HM13: variants seen among roughly 807,000 people sequenced by gnomAD.
HM13 encodes signal peptide peptidase.
In HM13, 18 loss-of-function variants were observed where a neutral mutation model predicts 50.0. The ratio of observed to expected loss-of-function variants is 0.36; its 90% CI spans 0.25 to 0.53. The LOEUF is 0.53. HM13 is among the 20% of genes least tolerant of loss of function. The probability of loss-of-function intolerance (pLI) is 0.90; values close to 1 mark genes in which losing one functional copy is unlikely to be tolerated. For missense variants in HM13, 393 were observed against 552.4 expected (o/e 0.71, Z 2.89); for synonymous variants, 197 against 232.6 (o/e 0.85, Z 1.39).
chr20:31,523,606 A>G (rs1217307991), intron 1 of HM13, among the ~76,000 whole-genome samples: 1 of 152,168 alleles, frequency 6.6e-6, no homozygotes, highest in African/African-American at 2.4e-5. Flanking sequence ...TGTTCCCTGT[A>G]ATATGTATCA....
At position 31,543,442 on chromosome 20, in the gene HM13, C is replaced by T. The variant is rs113175755; in HGVS notation, c.366-1505C>T. Among the ~76,000 whole-genome samples, 15 of 152,158 alleles carry T rather than the reference C, an allele frequency of 9.9e-5. 1 individual carries two copies. The highest frequency in any genetic ancestry group is 3.1e-4 in the African/African-American group (13 of 41,558). ...CTGGGATTACAGGCACCTGCCACCA[C>T]GCCGGGCTAATTTTTGTATTTTTTT... On this transcript the variant is annotated intron_variant, in intron 3 of 12. Coordinates refer to ENST00000398174, the MANE Select transcript of HM13 (RefSeq NM_178581.3).
intron 2 of HM13, among the ~76,000 whole-genome samples, chr20:31,532,108 T>TTC (rs1982853003): frequency 6.6e-6 from 1 of 151,922 alleles, no homozygotes. Flanking sequence ...TTTTTTTTTT[T>TTC]CTTTTTTTCT....
intron 6 of HM13, among the ~76,000 whole-genome samples, chr20:31,549,577 A>G (rs1983916604): frequency 6.6e-6 from 1 of 152,166 alleles, no homozygotes; most frequent in African/African-American, 2.4e-5. Flanking sequence ...CTTCCTTGCT[A>G]GCAGGGGTGT....
intron 3 of HM13, chr20:31,541,840 G>A (rs990194173): frequency 6.6e-6 from 1 of 152,226 alleles, no homozygotes; most frequent in African/African-American, 2.4e-5. Context: ...CCAAACAACA[G>A]ATCCAAAGGT....
chr20:31,554,780 C>T lies in HM13; in HGVS notation c.759C>T (p.Leu253=), dbSNP rs139809864. The T allele has an allele frequency of 1.1e-4, 181 of 1,614,014 alleles. No homozygotes were observed. In the South Asian group the frequency reaches 1.6e-3, roughly 14 times the overall value. Residue 253 remains leucine, a synonymous_variant, in exon 8 of 13, where the codon CTC becomes CTT. Coordinates refer to ENST00000398174, the MANE Select transcript of HM13 (RefSeq NM_178581.3). The stretch of plus-strand genomic sequence containing the variant: ...CCCAGGATCTGCTGGAGAAAGGCCT[C>T]GAAGCAAACAACTTTGCCATGCTGG... ...VFPQDLLEKG[L]EANNFAMLGL... is the part of the protein sequence containing the mutation.
Position 31,549,064 on chromosome 20 carries a change from G to A in HM13, c.490G>A (p.Val164Met). ...INYEFDTKDLVCLGLSSIVGV... is the reference protein window; with the variant it reads ...INYEFDTKDLMCLGLSSIVGV... ...TTATGAATTTGACACCAAGGACCTG[G>A]TGTGCCTGGGCCTGAGCAGCATCGT... Residue 164 changes from valine to methionine, a missense_variant, in exon 5 of 13, where the codon GTG becomes ATG. Transcript: ENST00000398174. 1 of 1,614,168 alleles carries A rather than the reference G, an allele frequency of 6.2e-7. No individual in the cohort carries two copies.
At chr20:31,547,255 T>C (rs1983775211) in intron 4 of HM13, 1 of 210,094 alleles carries the variant, frequency 4.8e-6, no homozygotes, top group South Asian at 7.2e-5. Context: ...GCGATCCTCA[T>C]TGGAGAGGAA....
chr20:31,553,842 C>T (rs569862748), intron 7 of HM13, among the ~76,000 whole-genome samples: 5 of 151,946 alleles, frequency 3.3e-5, no homozygotes, highest in Admixed American at 6.6e-5. Context: ...GCTTATAGCC[C>T]GGGCTCACCC....
intron 2 of HM13, among the ~76,000 whole-genome samples, chr20:31,528,265 A>G (rs1484442045): frequency 6.6e-6 from 1 of 152,234 alleles, no homozygotes; most frequent in Non-Finnish European, 1.5e-5. Flanking sequence ...GGAAAAATAA[A>G]TACCACAACA....
intron 1 of HM13, among the ~76,000 whole-genome samples, chr20:31,516,580 A>G (rs751123110): frequency 6.6e-6 from 1 of 152,228 alleles, no homozygotes; most frequent in Non-Finnish European, 1.5e-5. Flanking sequence ...GTAGAATTTC[A>G]GCCAGGAGAA....
intron 7 of HM13, among the ~76,000 whole-genome samples, chr20:31,554,363 A>G (rs1315217515): frequency 6.9e-6 from 1 of 145,638 alleles, no homozygotes; most frequent in African/African-American, 2.7e-5. Flanking sequence ...TGGGCAATAG[A>G]GCAAGCCCCG....
At chr20:31,564,478 G>A (rs6088592) in intron 10 of HM13, among the ~76,000 whole-genome samples, 46,186 of 151,858 alleles carry the variant, frequency 0.3, 11,492 homozygotes, top group African/African-American at 0.69. Context: ...TTGTAGGACT[G>A]AGGCGAGAGG....
At chr20:31,515,461 A>G (rs930519660) in intron 1 of HM13, among the ~76,000 whole-genome samples, 18 of 152,126 alleles carry the variant, frequency 1.2e-4, no homozygotes, top group African/African-American at 4.3e-4. Flanking sequence ...ACTACCATCC[A>G]ACCTTGGACA....
chr20:31,543,631 C>T (rs1028726201), intron 3 of HM13, among the ~76,000 whole-genome samples: 1 of 151,766 alleles, frequency 6.6e-6, no homozygotes, highest in Non-Finnish European at 1.5e-5. Flanking sequence ...CCACCAGGGT[C>T]TTTAAAGAGA....
At chr20:31,554,024 T>C (rs1984165762) in intron 7 of HM13, among the ~76,000 whole-genome samples, 1 of 152,114 alleles carries the variant, frequency 6.6e-6, no homozygotes, top group Admixed American at 6.6e-5. Flanking sequence ...TGTATGGTTA[T>C]TTGAGTTATA....
At position 31,521,558 on chromosome 20, in the gene HM13, T is replaced by G. The variant is rs144285067; in HGVS notation, c.184-5926T>G. On this transcript the variant is annotated intron_variant, in intron 1 of 12. Coordinates refer to ENST00000398174, the MANE Select transcript of HM13 (RefSeq NM_178581.3). ...TCCTGACTAACATGGTGAAACCCTGTCTCTACTAAAAATACAAAAAATTAG... is the reference window on the plus strand; with the variant it reads ...TCCTGACTAACATGGTGAAACCCTGGCTCTACTAAAAATACAAAAAATTAG... Among the ~76,000 whole-genome samples, 1,122 of 152,094 alleles carry G rather than the reference T, an allele frequency of 7.4e-3. 14 individuals are homozygous for G. The highest frequency in any genetic ancestry group is 0.026 in the African/African-American group (1,071 of 41,476).
chr20:31,522,947 A>G (rs1423385745), intron 1 of HM13, among the ~76,000 whole-genome samples: 1 of 151,404 alleles, frequency 6.6e-6, no homozygotes, highest in Non-Finnish European at 1.5e-5. Context: ...GAGTCCCTTC[A>G]TAACTGCTGA....
At chr20:31,566,139 T>G (rs11697194) in intron 10 of HM13, 71 bp from the exon 11 acceptor site, 1 of 1,138,004 alleles carries the variant, frequency 8.8e-7, no homozygotes, top group Non-Finnish European at 1.3e-6. Context: ...AGAAGGGGTT[T>G]GGGGTGCTGG....
intron 1 of HM13, among the ~76,000 whole-genome samples, chr20:31,518,180 CT>C (rs1179436934): frequency 6.6e-6 from 1 of 151,660 alleles, no homozygotes; most frequent in African/African-American, 2.4e-5. Flanking sequence ...GGATTACAGG[CT>C]GGCACCACCA....
Sources: allele counts gnomAD v4.1 joint callset (sites outside exome capture counted in the v4.1 genomes callset), GRCh38; gene constraint gnomAD v4.1.1; transcripts MANE v1.5; gene names NCBI Gene and HGNC (gene_info 2026-07-23, HGNC 2026-07-21).